Variants in PDE7B observed in about 807,000 individuals in gnomAD.
PDE7B encodes phosphodiesterase 7B.
A neutral mutation model predicts 56.2 loss-of-function variants in PDE7B; 29 were observed. That is an observed-to-expected ratio of 0.52 (90% CI 0.38 to 0.70). The LOEUF is 0.70. Ranked by LOEUF, PDE7B falls within the 30% of genes least tolerant of loss-of-function variation. The pLI, the probability that PDE7B is intolerant of heterozygous loss-of-function variation, is 0.00. For synonymous variants in PDE7B, 197 were observed against 196.9 expected (o/e 1.00, Z 0.00); for missense variants, 490 against 565.0 (o/e 0.87, Z 1.35).
chr6:136,164,118 A>G (rs961460312), intron 8 of PDE7B, among the ~76,000 whole-genome samples: 1 of 152,188 alleles, frequency 6.6e-6, no homozygotes, highest in African/African-American at 2.4e-5. Flanking sequence ...AGACTGGGTA[A>G]TTTATAAAGG....
At chr6:136,001,204 C>A (rs1775662991) in intron 2 of PDE7B, among the ~76,000 whole-genome samples, 1 of 152,326 alleles carries the variant, frequency 6.6e-6, no homozygotes, top group South Asian at 2.1e-4. Flanking sequence ...ATCTGTACAT[C>A]ACCATCATCA....
At chr6:135,877,700 G>T (rs1159960573) in intron 1 of PDE7B, among the ~76,000 whole-genome samples, 1 of 149,542 alleles carries the variant, frequency 6.7e-6, no homozygotes, top group East Asian at 2.0e-4. Context: ...AGACTCAAGG[G>T]CATTCCATAT....
rs759173693 is a variant in PDE7B at position 136,038,247 on chromosome 6, G to GCACCAC, written c.83-70474_83-70469dup. 3.1e-6 allele frequency: 4 copies of GCACCAC among 1,299,888 alleles called. No homozygotes were observed. The South Asian group carries it at 3.7e-5, about 12-fold the overall frequency. 80.5% of individuals were successfully genotyped at this position (1,299,888 alleles called of 1,614,324 possible). A position where few individuals can be genotyped will look rare whatever the true frequency, so the allele number is the denominator to read the frequency against. ...AGCAGCAACAGCAGCAGCAGCAGCAGCACCACCACCACCACTACCTCCTCT... is the reference window on the plus strand; with the variant it reads ...AGCAGCAACAGCAGCAGCAGCAGCAGCACCACCACCACCACCACCACTACCTCCTCT... On this transcript the variant is annotated intron_variant, in intron 2 of 12. Coordinates refer to ENST00000308191, the MANE Select transcript of PDE7B (RefSeq NM_018945.4).
At chr6:135,942,707 C>A (rs1774526408) in intron 1 of PDE7B, among the ~76,000 whole-genome samples, 1 of 152,124 alleles carries the variant, frequency 6.6e-6, no homozygotes, top group African/African-American at 2.4e-5. Flanking sequence ...TCTACAAATT[C>A]AATTTTTTTG....
chr6:136,010,811 G>C (rs949798929), intron 2 of PDE7B, among the ~76,000 whole-genome samples: 2 of 151,976 alleles, frequency 1.3e-5, no homozygotes, highest in African/African-American at 4.8e-5. Context: ...TAGAGATTAA[G>C]GAAAAAGAAC....
chr6:136,112,301 A>G (rs1022797593), intron 3 of PDE7B, among the ~76,000 whole-genome samples: 8 of 152,232 alleles, frequency 5.3e-5, no homozygotes, highest in African/African-American at 1.7e-4. Flanking sequence ...ACAGAAGTGG[A>G]CAAATGACTG....
chr6:136,107,477 C>T (rs1562494677), intron 2 of PDE7B, among the ~76,000 whole-genome samples: 2 of 151,830 alleles, frequency 1.3e-5, no homozygotes, highest in Non-Finnish European at 2.9e-5. Flanking sequence ...CACTAAGTAC[C>T]AGACAGCATT....
At chr6:135,963,563 A>G (rs980639719) in intron 2 of PDE7B, among the ~76,000 whole-genome samples, 1 of 152,230 alleles carries the variant, frequency 6.6e-6, no homozygotes, top group African/African-American at 2.4e-5. Flanking sequence ...ATGTGTGTAT[A>G]GAACCTTAAG....
intron 1 of PDE7B, among the ~76,000 whole-genome samples, chr6:135,882,855 G>A (rs9385747): frequency 0.049 from 7,386 of 152,114 alleles, 256 homozygotes; most frequent in East Asian, 0.12. Flanking sequence ...CTAGATGGCC[G>A]GTAGTTTTAT....
chr6:135,935,218 T>TTTTATATA (rs1774401563), intron 1 of PDE7B, among the ~76,000 whole-genome samples: 1 of 34,726 alleles, frequency 2.9e-5, no homozygotes, highest in African/African-American at 1.5e-4. Context: ...ATATATATAT[T>TTTTATATA]TTCATGATTC....
At chr6:135,883,042 T>C (rs1269700269) in intron 1 of PDE7B, among the ~76,000 whole-genome samples, 1 of 152,228 alleles carries the variant, frequency 6.6e-6, no homozygotes, top group Non-Finnish European at 1.5e-5. Flanking sequence ...CAGGCATTCT[T>C]CAGGTATCAG....
intron 2 of PDE7B, among the ~76,000 whole-genome samples, chr6:135,997,604 A>G (rs1208582628): frequency 6.6e-6 from 1 of 152,094 alleles, no homozygotes; most frequent in Non-Finnish European, 1.5e-5. Context: ...ATTTATGAGC[A>G]CCAAGCATTT....
At chr6:135,956,790 G>C (rs1265016488) in intron 2 of PDE7B, among the ~76,000 whole-genome samples, 1 of 143,988 alleles carries the variant, frequency 6.9e-6, no homozygotes, top group Admixed American at 7.0e-5. Flanking sequence ...AAAAAGAAAA[G>C]AAAAGAAAGA....
Position 136,191,860 on chromosome 6 carries a change from G to T in PDE7B, c.*20G>T. 6.5e-7 allele frequency: 1 copy of T among 1,532,338 alleles called. No individual in the cohort carries two copies. The allele number at this position is 1,532,338 out of a possible 1,614,324, so 94.9% of individuals were successfully genotyped here. A position where few individuals can be genotyped will look rare whatever the true frequency, so the allele number is the denominator to read the frequency against. ...CCCTAGGGGCCGGCCCAACTTAGAC[G>T]CGGCTCTCCTCCGGCAGGGCCCCCA... On this transcript the variant is annotated 3_prime_UTR_variant, in exon 13 of 13. Coordinates refer to ENST00000308191, the MANE Select transcript of PDE7B (RefSeq NM_018945.4).
At chr6:135,890,289 C>T (rs1272226283) in intron 1 of PDE7B, among the ~76,000 whole-genome samples, 1 of 152,184 alleles carries the variant, frequency 6.6e-6, no homozygotes, top group Non-Finnish European at 1.5e-5. Flanking sequence ...TTATTCTTTA[C>T]TCTCTGATTG....
At chr6:136,098,149 A>AAAAAATAT (rs1311774244) in intron 2 of PDE7B, 55 of 135,540 alleles carry the variant, frequency 4.1e-4, no homozygotes, top group African/African-American at 1.4e-3. Context: ...GGGGGGGGGA[A>AAAAAATAT]ATATATGTAT....
At chr6:136,138,377 C>T (rs1778252812) in intron 3 of PDE7B, among the ~76,000 whole-genome samples, 1 of 152,056 alleles carries the variant, frequency 6.6e-6, no homozygotes, top group East Asian at 1.9e-4. Context: ...ACAGAGGGTG[C>T]TTTATTCAGA....
At chr6:136,007,866 G>A (rs1166541929) in intron 2 of PDE7B, among the ~76,000 whole-genome samples, 1 of 151,686 alleles carries the variant, frequency 6.6e-6, no homozygotes, top group Non-Finnish European at 1.5e-5. Flanking sequence ...AAGTTGTAGG[G>A]TACATGTGCA....
intron 2 of PDE7B, among the ~76,000 whole-genome samples, chr6:136,054,872 G>A (rs940382190): frequency 6.6e-6 from 1 of 152,056 alleles, no homozygotes; most frequent in African/African-American, 2.4e-5. Flanking sequence ...TGTGTGCAGG[G>A]GAACTACCCT....
Sources: gnomAD v4.1 joint callset for allele counts (sites outside exome capture counted in the v4.1 genomes callset) on GRCh38, gnomAD v4.1.1 for gene constraint, MANE v1.5 for transcripts, NCBI Gene and HGNC (gene_info 2026-07-23, HGNC 2026-07-21) for gene names.